The following SRSF11 variants were observed in gnomAD, a reference collection of about 807,000 sequenced individuals.
SRSF11 encodes the protein serine/arginine-rich splicing factor 11.
SRSF11 carries 9 observed loss-of-function variants against 56.0 expected under a neutral mutation model. That is an observed-to-expected ratio of 0.16 (90% CI 0.10 to 0.28). The LOEUF (loss-of-function observed/expected upper bound fraction) is 0.28, where lower values mean the gene tolerates loss of function less well. SRSF11 is among the 10% of genes least tolerant of loss of function. The pLI, the probability that SRSF11 is intolerant of heterozygous loss-of-function variation, is 1.00. For missense variants in SRSF11, 421 were observed against 600.7 expected (o/e 0.70, Z 3.13); for synonymous variants, 222 against 215.3 (o/e 1.03, Z -0.27).
At chr1:70,238,094 G>A (rs1674516142) in intron 6 of SRSF11, among the ~76,000 whole-genome samples, 1 of 151,960 alleles carries the variant, frequency 6.6e-6, no homozygotes, top group African/African-American at 2.4e-5. Flanking sequence ...TAAATATCTT[G>A]TTCATTAATA....
chr1:70,241,658 T>C (rs1349687533), intron 7 of SRSF11, among the ~76,000 whole-genome samples: 2 of 152,246 alleles, frequency 1.3e-5, no homozygotes, highest in African/African-American at 4.8e-5. Context: ...ATTTTCTTTA[T>C]GTCTTCATGT....
At chr1:70,220,494 T>C (rs1670431962), upstream of SRSF11, among the ~76,000 whole-genome samples, 1 of 152,252 alleles carries the variant, frequency 6.6e-6, no homozygotes, top group African/African-American at 2.4e-5. Flanking sequence ...TGCAGTATTT[T>C]CTTTAGAAAT....
In SRSF11 at chr1:70,250,692, G is replaced by T; in HGVS notation, c.1342G>T (p.Gly448Cys). 6.2e-7 allele frequency: 1 copy of T among 1,613,962 alleles called. No homozygotes were observed. The highest frequency in any genetic ancestry group is 2.2e-5 in the East Asian group (1 of 44,838). Residue 448 changes from glycine (G) to cysteine (C), a missense_variant, in exon 12 of 12, where the codon GGT (glycine) becomes TGT (cysteine). Coordinates refer to ENST00000370949, the MANE Select transcript of SRSF11 (RefSeq NM_001350605.2). ...AGAAGAGAAGAAACCAATAGAAACA[G>T]GTTCCCCTAAAACAAAGGAATGTTC... ...KKEEKKPIET[G>C]SPKTKECSVE...
At chr1:70,246,957 T>C in intron 9 of SRSF11, 50 bp downstream of exon 9, 2 of 1,478,588 alleles carry the variant, frequency 1.4e-6, no homozygotes, top group Non-Finnish European at 1.9e-6. Flanking sequence ...ACTTTGCTTC[T>C]AACAGTATCA....
At chr1:70,239,078 T>C (rs1157336936) in intron 6 of SRSF11, among the ~76,000 whole-genome samples, 1 of 152,072 alleles carries the variant, frequency 6.6e-6, no homozygotes, top group Non-Finnish European at 1.5e-5. Flanking sequence ...ATCTTCCTAT[T>C]TGATGTGTTT....
intron 8 of SRSF11, 83 bp downstream of exon 8, chr1:70,244,898 G>GT: frequency 7.1e-7 from 1 of 1,403,604 alleles, no homozygotes; most frequent in Non-Finnish European, 9.8e-7. Context: ...GAGGTGGTTG[G>GT]GGTGCGGGGC....
chr1:70,229,801 T>C lies in SRSF11; in HGVS notation c.337+1246T>C, dbSNP rs191066520. The C allele has an allele frequency of 3.7e-3, 3,619 of 983,888 alleles. 7 individuals are homozygous for C. Among genetic ancestry groups the C allele is most frequent in the Admixed American group, 5.0e-3 (82 of 16,280 alleles). 60.9% of individuals were successfully genotyped at this position (983,888 alleles called of 1,614,324 possible). ...CTGGTTTTCTAAAGAAATTAACTTA[T>C]ATTTATAAATGGGTTAAGACATGTT... On this transcript the variant is annotated intron_variant, in intron 2 of 11. Transcript: ENST00000370949.
At chr1:70,234,639 C>T (rs772447889) in intron 3 of SRSF11, 57 bp from the exon 4 acceptor site, 41 of 1,399,066 alleles carry the variant, frequency 2.9e-5, no homozygotes, top group Middle Eastern at 2.6e-4. Context: ...AAGTATTAAC[C>T]CCTGGTATAA....
chr1:70,247,855 G>T lies in SRSF11; in HGVS notation c.1022+948G>T, dbSNP rs539356287. Among the ~76,000 whole-genome samples the T allele has an allele frequency of 1.2e-4, 19 of 152,108 alleles. No individual in the cohort carries two copies. In the South Asian group the frequency reaches 3.7e-3, roughly 30 times the overall value. On this transcript the variant is annotated intron_variant, in intron 9 of 11. Coordinates refer to ENST00000370949, the MANE Select transcript of SRSF11 (RefSeq NM_001350605.2). ...GGCAACCCAATTTAAAAATGGCAAA[G>T]AATCTGTAGCCATTACTCCAAAGGA...
intron 1 of SRSF11, among the ~76,000 whole-genome samples, chr1:70,213,424 A>G (rs1354202375): frequency 6.6e-6 from 1 of 152,234 alleles, no homozygotes; most frequent in Non-Finnish European, 1.5e-5. Context: ...TAAAATATGA[A>G]ATCTAAATAA....
At chr1:70,233,529 C>G (rs529876588) in intron 3 of SRSF11, among the ~76,000 whole-genome samples, 1 of 152,152 alleles carries the variant, frequency 6.6e-6, no homozygotes, top group Non-Finnish European at 1.5e-5. Flanking sequence ...CGTGAGCCAC[C>G]GCGCCCAGTC....
intron 1 of SRSF11, among the ~76,000 whole-genome samples, chr1:70,209,407 C>G (rs1669336275): frequency 6.6e-6 from 1 of 152,002 alleles, no homozygotes; most frequent in African/African-American, 2.4e-5. Context: ...ACAAATTTAG[C>G]CTATTTTGAA....
Position 70,252,347 on chromosome 1 carries a change from A to C in SRSF11, c.*1542A>C, listed in dbSNP as rs1330652108. On this transcript the variant is annotated 3_prime_UTR_variant, in exon 12 of 12. Transcript: ENST00000370949. ...GATATTTGCCTTTCTGGAGTAGTAT[A>C]GAAGCTGTCAATATGTATCTACTGT... is the stretch of plus-strand genomic sequence containing the variant. 6.6e-6 allele frequency: 1 copy of C among 152,168 alleles called. No homozygotes were observed. The highest frequency in any genetic ancestry group is 2.1e-4 in the South Asian group (1 of 4,834). 9.4% of individuals were successfully genotyped at this position (152,168 alleles called of 1,614,324 possible). A position where few individuals can be genotyped will look rare whatever the true frequency, so the allele number is the denominator to read the frequency against.
intron 7 of SRSF11, among the ~76,000 whole-genome samples, chr1:70,240,798 G>T (rs909842966): frequency 3.4e-4 from 47 of 136,922 alleles, no homozygotes; most frequent in African/African-American, 1.3e-3. Context: ...TTTTTGAGAC[G>T]GAGTCTCACT....
intron 1 of SRSF11, among the ~76,000 whole-genome samples, chr1:70,227,215 A>G (rs979811169): frequency 6.6e-6 from 1 of 152,232 alleles, no homozygotes; most frequent in Non-Finnish European, 1.5e-5. Context: ...AATTCTTAGT[A>G]TAACCAAATC....
intron 9 of SRSF11, among the ~76,000 whole-genome samples, chr1:70,247,726 T>A (rs925600984): frequency 5.9e-5 from 9 of 152,060 alleles, no homozygotes; most frequent in African/African-American, 2.2e-4. Context: ...GTTAAAACAT[T>A]TGTATTTCAA....
intron 2 of SRSF11, chr1:70,231,595 ATC>A (rs1228641027): frequency 2.7e-6 from 3 of 1,128,902 alleles, no homozygotes; most frequent in Non-Finnish European, 2.2e-6. Flanking sequence ...TGTTTTACCT[ATC>A]TCTCTTTCTC....
chr1:70,237,609 T>A, intron 6 of SRSF11, 57 bp downstream of exon 6: 1 of 1,598,716 alleles, frequency 6.3e-7, no homozygotes, highest in African/African-American at 1.3e-5. Flanking sequence ...GATTTTGACA[T>A]AAATGTGGAA....
chr1:70,235,433 C>T, intron 4 of SRSF11, 68 bp from the exon 5 acceptor site: 1 of 1,330,052 alleles, frequency 7.5e-7, no homozygotes, highest in Admixed American at 2.0e-5. Flanking sequence ...GTTCAGTTTT[C>T]TGCCTAGAAA....
Sources: allele counts gnomAD v4.1 joint callset (sites outside exome capture counted in the v4.1 genomes callset), GRCh38; gene constraint gnomAD v4.1.1; transcripts MANE v1.5; gene names NCBI Gene and HGNC (gene_info 2026-07-23, HGNC 2026-07-21).